PLEKHM2: variants seen among roughly 807,000 people sequenced by gnomAD.
PLEKHM2 encodes the protein pleckstrin homology and RUN domain containing M2, also known as pleckstrin homology domain-containing family M member 2.
PLEKHM2 carries 77 observed loss-of-function variants against 116.3 expected under a neutral mutation model. The ratio of observed to expected loss-of-function variants is 0.66; its 90% CI spans 0.55 to 0.80. PLEKHM2 has a LOEUF of 0.80. PLEKHM2 is among the 30% of genes least tolerant of loss of function. The pLI, the probability that PLEKHM2 is intolerant of heterozygous loss-of-function variation, is 0.00. For missense variants in PLEKHM2, 1,183 were observed against 1,354.9 expected, an observed-to-expected ratio of 0.87 and a Z score of 1.99; for synonymous variants, 562 against 571.0, an observed-to-expected ratio of 0.98 and a Z score of 0.22.
At chr1:15,691,538 C>T (rs1475754002) in intron 1 of PLEKHM2, among the ~76,000 whole-genome samples, 1 of 152,222 alleles carries the variant, frequency 6.6e-6, no homozygotes, top group Non-Finnish European at 1.5e-5. Flanking sequence ...CTTCTCTCGC[C>T]TCAGTCTCCC....
intron 14 of PLEKHM2, among the ~76,000 whole-genome samples, chr1:15,730,269 C>T (rs1262668195): frequency 2.0e-5 from 3 of 152,174 alleles, no homozygotes; most frequent in Admixed American, 6.5e-5. Flanking sequence ...GGCAAAACCC[C>T]GTCTCTACTA....
upstream of PLEKHM2, among the ~76,000 whole-genome samples, chr1:15,683,860 G>A (rs550150840): frequency 6.3e-4 from 95 of 150,338 alleles, no homozygotes; most frequent in Admixed American, 9.2e-4. Flanking sequence ...CGGGGTCTCC[G>A]GAGTTCCTGG....
chr1:15,710,980 G>A (rs1641319983), intron 1 of PLEKHM2, among the ~76,000 whole-genome samples: 1 of 152,082 alleles, frequency 6.6e-6, no homozygotes, highest in African/African-American at 2.4e-5. Context: ...TTTGAGACCA[G>A]CCTGGCCAAC....
chr1:15,691,691 C>T (rs1640891114), intron 1 of PLEKHM2, among the ~76,000 whole-genome samples: 1 of 152,228 alleles, frequency 6.6e-6, no homozygotes. Flanking sequence ...GAATGAGCCA[C>T]AGCTGTTGTT....
intron 1 of PLEKHM2, among the ~76,000 whole-genome samples, chr1:15,705,879 C>T (rs997640604): frequency 7.2e-5 from 11 of 151,968 alleles, no homozygotes; most frequent in Non-Finnish European, 1.5e-4. Context: ...ATTGCTTGAC[C>T]CAGGAGTTCA....
chr1:15,686,907 C>T (rs1640783910), intron 1 of PLEKHM2, among the ~76,000 whole-genome samples: 1 of 152,092 alleles, frequency 6.6e-6, no homozygotes, highest in African/African-American at 2.4e-5. Flanking sequence ...GCTTCGGCCT[C>T]CCAAAGTGCT....
Position 15,734,184 on chromosome 1 carries a change from G to GT in PLEKHM2, c.*251dup, listed in dbSNP as rs2148384287. ...GCTGGGGGCAGAGGGTCCGAGCCCTGTGGGCTCTGCGGATGCACGCCCTCC... is the reference window on the plus strand; with the variant it reads ...GCTGGGGGCAGAGGGTCCGAGCCCTGTTGGGCTCTGCGGATGCACGCCCTCC... On this transcript the variant is annotated 3_prime_UTR_variant, in exon 20 of 20. Transcript: ENST00000375799. The GT allele has an allele frequency of 4.0e-6, 2 of 505,750 alleles. No homozygotes were observed. The highest frequency in any genetic ancestry group is 5.5e-5 in the South Asian group (2 of 36,310). 31.3% of individuals were successfully genotyped at this position (505,750 alleles called of 1,614,324 possible). A position where few individuals can be genotyped will look rare whatever the true frequency, so the allele number is the denominator to read the frequency against.
chr1:15,727,304 G>T lies in PLEKHM2; in HGVS notation c.1232G>T (p.Ser411Ile). ...ATGGAGCGCTTGGGGCAGCCCCTGAGCAAGGTTATCGACCAGCTCAACGGG... is the reference window on the plus strand; with the variant it reads ...ATGGAGCGCTTGGGGCAGCCCCTGATCAAGGTTATCGACCAGCTCAACGGG... ...TSMERLGQPL[S>I]KVIDQLNGQL... Residue 411 changes from serine to isoleucine, a missense_variant, in exon 9 of 20, where the codon AGC becomes ATC. By Grantham distance (142) the Ser-to-Ile change is moderately radical. Coordinates refer to ENST00000375799, the MANE Select transcript of PLEKHM2 (RefSeq NM_015164.4). The surrounding 1 kb of genome is among the most constrained non-coding windows in gnomAD (Gnocchi z 7.5). 6.2e-7 allele frequency: 1 copy of T among 1,604,242 alleles called. No homozygotes were observed.
chr1:15,705,762 C>T (rs968083469), intron 1 of PLEKHM2, among the ~76,000 whole-genome samples: 1 of 152,164 alleles, frequency 6.6e-6, no homozygotes, highest in Non-Finnish European at 1.5e-5. Flanking sequence ...TCTGCCTCCA[C>T]CCTGGCCTTT....
rs2068091331 is a variant in PLEKHM2 at position 15,728,184 on chromosome 1, G to T, written c.1830+36G>T. 6.2e-7 allele frequency: 1 copy of T among 1,605,708 alleles called. No individual in the cohort carries two copies. Among genetic ancestry groups the T allele is most frequent in the East Asian group, 2.2e-5 (1 of 44,768 alleles). On this transcript the variant is annotated intron_variant, in intron 10 of 19. Transcript: ENST00000375799. This position sits in a 1 kb window ranked among gnomAD's most constrained non-coding sequence, Gnocchi z 5.9. ...GGAACTCAGGAGTGAGCAAGAGACG[G>T]CAAGGGCAAGGCGGGATGGGCCACC...
intron 1 of PLEKHM2, among the ~76,000 whole-genome samples, chr1:15,691,422 A>G (rs1640886490): frequency 6.6e-6 from 1 of 152,254 alleles, no homozygotes; most frequent in African/African-American, 2.4e-5. Flanking sequence ...CAAATAGCTC[A>G]GAAGTACATA....
intron 1 of PLEKHM2, among the ~76,000 whole-genome samples, chr1:15,715,877 C>G (rs1396062557): frequency 2.0e-5 from 3 of 152,212 alleles, no homozygotes; most frequent in African/African-American, 7.2e-5. Flanking sequence ...TGGCATTGGT[C>G]TAGACAGCAC....
chr1:15,711,478 G>T (rs1050404926), intron 1 of PLEKHM2, among the ~76,000 whole-genome samples: 1 of 152,054 alleles, frequency 6.6e-6, no homozygotes, highest in African/African-American at 2.4e-5. Flanking sequence ...TTAGCCAGGT[G>T]TGGTCGAAGG....
Position 15,728,973 on chromosome 1 carries a change from G to A in PLEKHM2, c.1987-129G>A, listed in dbSNP as rs982902998. On this transcript the variant is annotated intron_variant, in intron 12 of 19. Transcript: ENST00000375799. The surrounding 1 kb of genome is among the most constrained non-coding windows in gnomAD (Gnocchi z 5.9). ...TCACTCATGCCAGCCCCTGGCCTCT[G>A]GGGCTTTACTTGGTGGTGGCCCGGG... The A allele has an allele frequency of 1.1e-4, 97 of 897,580 alleles. No homozygotes were observed. The African/African-American group carries it at 1.4e-3, about 13-fold the overall frequency. 55.6% of individuals were successfully genotyped at this position (897,580 alleles called of 1,614,324 possible).
In PLEKHM2 at chr1:15,732,048, G is replaced by T; in HGVS notation, c.2625G>T (p.Gly875=). ...MQHLCQAVSK[G]VIPQGVAPSP... ...ATCTCTGCCAGGCTGTGTCCAAAGG[G>T]GTGAGCTTCGCCTGCCCCTACCGCT... Residue 875 remains glycine, a splice_region_variant and synonymous_variant, in exon 17 of 20, where the codon GGG becomes GGT. Transcript: ENST00000375799. 1 of 1,609,362 alleles carries T rather than the reference G, an allele frequency of 6.2e-7. No individual in the cohort carries two copies. Among genetic ancestry groups the T allele is most frequent in the Non-Finnish European group, 8.5e-7 (1 of 1,178,424 alleles).
Position 15,687,963 on chromosome 1 carries a change from A to T in PLEKHM2, c.60+3345A>T, listed in dbSNP as rs10927828. On this transcript the variant is annotated intron_variant, in intron 1 of 19. Coordinates refer to ENST00000375799, the MANE Select transcript of PLEKHM2 (RefSeq NM_015164.4). ...TCCATTGTGTATTTCTATATTTGCA[A>T]AGAGTACTTTAGAACTTTTTATGAA... Among the ~76,000 whole-genome samples, 362 of 152,354 alleles carry T rather than the reference A, an allele frequency of 2.4e-3. 1 individual carries two copies. Among genetic ancestry groups the T allele is most frequent in the African/African-American group, 7.8e-3 (325 of 41,576 alleles).
At chr1:15,694,872 C>T (rs1353318510) in intron 1 of PLEKHM2, among the ~76,000 whole-genome samples, 1 of 152,062 alleles carries the variant, frequency 6.6e-6, no homozygotes, top group Non-Finnish European at 1.5e-5. Flanking sequence ...ATTCTCCTGC[C>T]TCAGCCTCCC....
intron 19 of PLEKHM2, among the ~76,000 whole-genome samples, chr1:15,733,431 G>A (rs1263631083): frequency 1.3e-5 from 2 of 152,260 alleles, no homozygotes; most frequent in African/African-American, 2.4e-5. Context: ...CCCTGCACAA[G>A]CGGGTTTTGA....
chr1:15,733,460 C>T (rs1382072436), intron 19 of PLEKHM2, among the ~76,000 whole-genome samples: 3 of 152,240 alleles, frequency 2.0e-5, no homozygotes, highest in African/African-American at 7.2e-5. Flanking sequence ...TACGCTCTAG[C>T]CCCGTGGAAG....
Sources: gnomAD v4.1 joint callset for allele counts (sites outside exome capture counted in the v4.1 genomes callset) on GRCh38, gnomAD v4.1.1 for gene constraint, Gnocchi (gnomAD v3.1) non-coding constraint, MANE v1.5 for transcripts, NCBI Gene and HGNC (gene_info 2026-07-23, HGNC 2026-07-21) for gene names.